The following IGSF11 variants were observed in gnomAD, a reference collection of about 807,000 sequenced individuals.
IGSF11 encodes the protein immunoglobulin superfamily member 11.
Under a neutral mutation model 41.0 loss-of-function variants are expected in IGSF11, and 22 were observed. The observed-to-expected ratio is 0.54, with a 90% CI of 0.38 to 0.77. The LOEUF is 0.77. Ranked by LOEUF, IGSF11 falls within the 30% of genes least tolerant of loss-of-function variation. IGSF11 has a pLI of 0.00. For missense variants in IGSF11, 444 were observed against 530.8 expected (o/e 0.84, Z 1.61); for synonymous variants, 219 against 201.3 (o/e 1.09, Z -0.74).
At chr3:118,944,095 T>A (rs1181303481) in intron 1 of IGSF11, among the ~76,000 whole-genome samples, 1 of 152,222 alleles carries the variant, frequency 6.6e-6, no homozygotes, top group African/African-American at 2.4e-5. Flanking sequence ...TTTTTAAAAT[T>A]TTTCTTGATT....
intron 1 of IGSF11, among the ~76,000 whole-genome samples, chr3:118,942,759 A>T (rs1357932789): frequency 3.3e-5 from 5 of 152,198 alleles, no homozygotes; most frequent in African/African-American, 1.2e-4. Context: ...TTGTCTGTGT[A>T]TTCCTTTATC....
chr3:118,999,536 C>A (rs1936603377), intron 1 of IGSF11, among the ~76,000 whole-genome samples: 4 of 152,132 alleles, frequency 2.6e-5, no homozygotes, highest in Admixed American at 2.6e-4. Context: ...CTTCACTCTT[C>A]AGGACTACAG....
intron 1 of IGSF11, among the ~76,000 whole-genome samples, chr3:118,958,525 GA>G (rs200629457): frequency 6.6e-6 from 1 of 150,990 alleles, no homozygotes; most frequent in African/African-American, 2.4e-5. Context: ...CTAGTCAGTG[GA>G]AAAAAAACAA....
At chr3:118,937,553 C>T (rs34830333) in intron 1 of IGSF11, among the ~76,000 whole-genome samples, 2,614 of 152,180 alleles carry the variant, frequency 0.017, 38 homozygotes, top group Non-Finnish European at 0.029. Flanking sequence ...TATATTTTGG[C>T]CATCTACTCA....
intron 1 of IGSF11, among the ~76,000 whole-genome samples, chr3:119,017,032 C>G (rs1167309772): frequency 1.6e-5 from 2 of 124,960 alleles, no homozygotes; most frequent in Non-Finnish European, 3.1e-5. Flanking sequence ...GTTAAATGGA[C>G]GCAGGACAAA....
chr3:119,065,608 T>C (rs1393908967), intron 1 of IGSF11, among the ~76,000 whole-genome samples: 1 of 151,732 alleles, frequency 6.6e-6, no homozygotes, highest in Non-Finnish European at 1.5e-5. Flanking sequence ...GCCTGAGCAA[T>C]ATGGTGAAAC....
intron 1 of IGSF11, among the ~76,000 whole-genome samples, chr3:118,966,194 T>C (rs1268727163): frequency 6.6e-6 from 1 of 152,158 alleles, no homozygotes; most frequent in Non-Finnish European, 1.5e-5. Context: ...ATTACTTAAT[T>C]AAACTCATCT....
intron 4 of IGSF11, among the ~76,000 whole-genome samples, chr3:118,924,712 C>T (rs1166662879): frequency 6.6e-6 from 1 of 152,054 alleles, no homozygotes; most frequent in East Asian, 1.9e-4. Flanking sequence ...TCTCAACTTA[C>T]ATACAAATAA....
chr3:119,121,133 A>T (rs1470835964), intron 1 of IGSF11, among the ~76,000 whole-genome samples: 1 of 152,230 alleles, frequency 6.6e-6, no homozygotes, highest in Non-Finnish European at 1.5e-5. Context: ...TAAAATGTCC[A>T]GCTTTCAATG....
chr3:119,142,817 GA>G (rs1200739242), intron 1 of IGSF11, among the ~76,000 whole-genome samples: 2 of 152,026 alleles, frequency 1.3e-5, no homozygotes. Context: ...TTTCAAAAGA[GA>G]AAGACATTTT....
At chr3:119,074,434 A>C (rs2076457600) in intron 1 of IGSF11, among the ~76,000 whole-genome samples, 1 of 152,142 alleles carries the variant, frequency 6.6e-6, no homozygotes, top group South Asian at 2.1e-4. Context: ...AATAAAATTA[A>C]TGCAGAAATC....
At chr3:118,935,340 A>G (rs1943175114) in intron 1 of IGSF11, among the ~76,000 whole-genome samples, 1 of 142,782 alleles carries the variant, frequency 7.0e-6, no homozygotes, top group Non-Finnish European at 1.5e-5. Flanking sequence ...CCTGAGATAT[A>G]TATATATATA....
chr3:118,997,184 G>C (rs1235650432), intron 1 of IGSF11, among the ~76,000 whole-genome samples: 1 of 152,018 alleles, frequency 6.6e-6, no homozygotes, highest in Admixed American at 6.6e-5. Context: ...CACTATTTCA[G>C]GGCTAAACAG....
At chr3:118,926,016 C>T (rs1942255886) in intron 4 of IGSF11, 85 bp downstream of exon 4, 1 of 1,083,062 alleles carries the variant, frequency 9.2e-7, no homozygotes, top group Non-Finnish European at 1.3e-6. Flanking sequence ...TGTTATTTTT[C>T]AAAACCTATT....
chr3:119,007,490 C>G (rs9840552), intron 1 of IGSF11, among the ~76,000 whole-genome samples: 3,562 of 152,256 alleles, frequency 0.023, 142 homozygotes, highest in African/African-American at 0.082. Context: ...GCTCCTCCCC[C>G]AGATTCATTA....
intron 1 of IGSF11, among the ~76,000 whole-genome samples, chr3:119,117,041 T>G (rs1215901397): frequency 1.3e-5 from 2 of 152,146 alleles, no homozygotes; most frequent in Non-Finnish European, 2.9e-5. Context: ...TGAATGAGAT[T>G]ATTTGAGTAC....
chr3:119,125,890 T>C (rs1232231829), intron 1 of IGSF11, among the ~76,000 whole-genome samples: 2 of 152,118 alleles, frequency 1.3e-5, no homozygotes, highest in African/African-American at 2.4e-5. Flanking sequence ...GGGGAAACCG[T>C]GCAACCCACA....
chr3:119,001,361 C>A (rs1016791299), intron 1 of IGSF11, among the ~76,000 whole-genome samples: 3 of 151,450 alleles, frequency 2.0e-5, no homozygotes, highest in Admixed American at 6.6e-5. Context: ...TTTTGCTTGG[C>A]TTCTAGTGTA....
At chr3:118,999,880 T>C (rs1323548673) in intron 1 of IGSF11, among the ~76,000 whole-genome samples, 1 of 152,060 alleles carries the variant, frequency 6.6e-6, no homozygotes, top group Admixed American at 6.6e-5. Flanking sequence ...GCAAGATGAC[T>C]AGAGTACCAG....
Sources: allele counts gnomAD v4.1 joint callset (sites outside exome capture counted in the v4.1 genomes callset), GRCh38; gene constraint gnomAD v4.1.1; transcripts MANE v1.5; gene names NCBI Gene and HGNC (gene_info 2026-07-23, HGNC 2026-07-21).